The following CELF2 variants were observed in gnomAD, a reference collection of about 807,000 sequenced individuals.
CELF2 encodes the protein CUG triplet repeat RNA-binding protein 2.
In CELF2, 8 loss-of-function variants were observed where a neutral mutation model predicts 62.6. That is an observed-to-expected ratio of 0.13 (90% CI 0.07 to 0.23). The LOEUF (loss-of-function observed/expected upper bound fraction) is 0.23. Among genes scored for constraint, CELF2 ranks in the 10% least tolerant of loss-of-function variants. The pLI, the probability that CELF2 is intolerant of heterozygous loss-of-function variation, is 1.00. For missense variants in CELF2, 333 were observed against 671.0 expected (o/e 0.50, Z 5.56); for synonymous variants, 258 against 250.0 (o/e 1.03, Z -0.30).
At chr10:11,266,104 T>C (rs1353569042) in intron 5 of CELF2, among the ~76,000 whole-genome samples, 1 of 152,256 alleles carries the variant, frequency 6.6e-6, no homozygotes, top group Non-Finnish European at 1.5e-5. Flanking sequence ...ATTTGTTTGC[T>C]GACATTTTGA....
chr10:10,550,890 G>T, the CELF2 span, among the ~76,000 whole-genome samples: 1 of 151,342 alleles, frequency 6.6e-6, no homozygotes, highest in Admixed American at 6.6e-5. Flanking sequence ...TAGAGATGGG[G>T]TTTCTCCATG....
At chr10:10,586,215 T>C in the CELF2 span, among the ~76,000 whole-genome samples, 2 of 152,224 alleles carry the variant, frequency 1.3e-5, no homozygotes, top group Non-Finnish European at 2.9e-5. Flanking sequence ...CTTGAGACAA[T>C]AACTTGCAAC....
At chr10:11,086,976 TCACTGGCTTGTGTGCCA>T (rs921467432) in intron 1 of CELF2, among the ~76,000 whole-genome samples, 3 of 152,172 alleles carry the variant, frequency 2.0e-5, no homozygotes, top group Admixed American at 2.0e-4. Flanking sequence ...TTGGAGACAT[TCACTGGCTTGTGTGCCA>T]CCCTGTCACT....
intron 1 of CELF2, among the ~76,000 whole-genome samples, chr10:11,155,205 T>C (rs1023086701): frequency 6.6e-6 from 1 of 152,220 alleles, no homozygotes; most frequent in African/African-American, 2.4e-5. Flanking sequence ...AAGCAGAATT[T>C]ATTGAGCTTA....
At chr10:10,801,286 G>A (rs940729782) in intron 1 of CELF2, among the ~76,000 whole-genome samples, 1 of 152,184 alleles carries the variant, frequency 6.6e-6, no homozygotes, top group African/African-American at 2.4e-5. Context: ...CTTTTTAACT[G>A]TGTGTAATCC....
rs2096075232 is a variant in CELF2 at position 11,333,990 on chromosome 10, AAG to A, written c.*4939_*4940del. The A allele has an allele frequency of 3.3e-5, 5 of 152,094 alleles. No homozygotes were observed. Among genetic ancestry groups the A allele is most frequent in the Non-Finnish European group, 7.4e-5 (5 of 67,896 alleles). The allele number at this position is 152,094 out of a possible 1,614,324, so 9.4% of individuals were successfully genotyped here. ...GTTGATTGATTGATTGATTGATAGAAAGAAAGTTGCTTTTCTTTTGAGAATTA... is the reference window on the plus strand; with the variant it reads ...GTTGATTGATTGATTGATTGATAGAAAAAGTTGCTTTTCTTTTGAGAATTA... On this transcript the variant is annotated 3_prime_UTR_variant, in exon 13 of 13. Transcript: ENST00000633077.
the CELF2 span, among the ~76,000 whole-genome samples, chr10:10,504,758 A>G: frequency 6.6e-6 from 1 of 151,786 alleles, no homozygotes; most frequent in South Asian, 2.1e-4. Context: ...CTCTATTCAG[A>G]ATATGTCATT....
At chr10:11,108,156 C>G (rs909862549) in intron 1 of CELF2, among the ~76,000 whole-genome samples, 12 of 136,866 alleles carry the variant, frequency 8.8e-5, no homozygotes, top group African/African-American at 3.4e-4. Context: ...GCAGAATTCT[C>G]CCCCTCAGGC....
At chr10:11,181,944 G>C (rs1588490502) in intron 2 of CELF2, among the ~76,000 whole-genome samples, 1 of 152,176 alleles carries the variant, frequency 6.6e-6, no homozygotes, top group Admixed American at 6.5e-5. Context: ...TCCTGGTTTT[G>C]AATCAGCTGA....
At chr10:10,592,072 C>A in the CELF2 span, among the ~76,000 whole-genome samples, 1 of 151,788 alleles carries the variant, frequency 6.6e-6, no homozygotes, top group Non-Finnish European at 1.5e-5. Context: ...GGAGTACCGA[C>A]CTATTTATAA....
chr10:11,304,734 C>T (rs922443172), intron 9 of CELF2, among the ~76,000 whole-genome samples: 1 of 152,222 alleles, frequency 6.6e-6, no homozygotes, highest in East Asian at 1.9e-4. Context: ...CTTAAAGGCC[C>T]TGCCACATTG....
At chr10:11,021,017 A>G (rs374563962) in intron 1 of CELF2, among the ~76,000 whole-genome samples, 2 of 152,216 alleles carry the variant, frequency 1.3e-5, no homozygotes, top group East Asian at 1.9e-4. Flanking sequence ...GAAAACAGGC[A>G]CTGATTTTTT....
chr10:11,113,657 C>A (rs2055806093), intron 1 of CELF2, among the ~76,000 whole-genome samples: 1 of 152,128 alleles, frequency 6.6e-6, no homozygotes, highest in Non-Finnish European at 1.5e-5. Flanking sequence ...TTGGAGAAGG[C>A]CTCTGGTGTT....
At chr10:10,733,612 T>G in the CELF2 span, among the ~76,000 whole-genome samples, 2 of 151,868 alleles carry the variant, frequency 1.3e-5, no homozygotes, top group Admixed American at 6.6e-5. Flanking sequence ...CAGCATGGCT[T>G]GGGGGGGCCT....
chr10:10,798,879 G>A (rs1315780646), intron 1 of CELF2: 3 of 398,692 alleles, frequency 7.5e-6, no homozygotes, highest in Admixed American at 4.4e-5. Flanking sequence ...CCCTGCTCCC[G>A]CCCCACACCT....
chr10:10,708,978 A>G, the CELF2 span, among the ~76,000 whole-genome samples: 1 of 152,174 alleles, frequency 6.6e-6, no homozygotes, highest in Non-Finnish European at 1.5e-5. Context: ...GGCAAATGCT[A>G]TTTCTGGCCT....
Position 11,330,241 on chromosome 10 carries a change from G to C in CELF2, c.*1188G>C, listed in dbSNP as rs1314562545. On this transcript the variant is annotated 3_prime_UTR_variant, in exon 13 of 13. Transcript: ENST00000633077. The surrounding 1 kb of genome is among the most constrained non-coding windows in gnomAD (Gnocchi z 4.5). ...CCTGTCCCTCACCCCAAAACACCCG[G>C]AATCCATCCCGTTTCGCTCTCTCCA... The C allele has an allele frequency of 6.6e-6, 1 of 152,538 alleles. No homozygotes were observed. The highest frequency in any genetic ancestry group is 1.5e-5 in the Non-Finnish European group (1 of 68,028). The allele number at this position is 152,538 out of a possible 1,614,324, so 9.4% of individuals were successfully genotyped here.
chr10:11,095,090 T>C (rs1035625364), intron 1 of CELF2, among the ~76,000 whole-genome samples: 3 of 152,166 alleles, frequency 2.0e-5, no homozygotes, highest in African/African-American at 7.2e-5. Flanking sequence ...ATTTATGTCA[T>C]TTTTGGTTTT....
intron 1 of CELF2, among the ~76,000 whole-genome samples, chr10:10,809,155 T>A (rs556035834): frequency 6.6e-6 from 1 of 152,284 alleles, no homozygotes; most frequent in East Asian, 1.9e-4. Flanking sequence ...AGCTCACTCG[T>A]GCTTGTGCAT....
Sources: gnomAD v4.1 joint callset for allele counts (sites outside exome capture counted in the v4.1 genomes callset) on GRCh38, gnomAD v4.1.1 for gene constraint, Gnocchi (gnomAD v3.1) non-coding constraint, MANE v1.5 for transcripts, NCBI Gene and HGNC (gene_info 2026-07-23, HGNC 2026-07-21) for gene names.